The following FAM13C variants were observed in gnomAD, a reference collection of about 807,000 sequenced individuals.
The protein encoded by FAM13C is family with sequence similarity 13 member C, also known as protein FAM13C.
In FAM13C, 37 loss-of-function variants were observed where a neutral mutation model predicts 73.2. The observed-to-expected ratio is 0.51, with a 90% CI of 0.39 to 0.67. The LOEUF (loss-of-function observed/expected upper bound fraction) is 0.67, where lower values mean the gene tolerates loss of function less well. Ranked by LOEUF, FAM13C falls within the 30% of genes least tolerant of loss-of-function variation. The pLI is 0.00. For missense variants in FAM13C, 589 were observed against 715.6 expected (o/e 0.82, Z 2.02); for synonymous variants, 246 against 260.9 (o/e 0.94, Z 0.55).
At position 59,262,538 on chromosome 10, in the gene FAM13C, C is replaced by A; in HGVS notation, c.1132G>T (p.Ala378Ser). The A allele has an allele frequency of 2.5e-6, 4 of 1,613,826 alleles. No homozygotes were observed. The highest frequency in any genetic ancestry group is 3.4e-6 in the Non-Finnish European group (4 of 1,179,794). Reference protein sequence around the residue: ...TVPRENGKPEAAGPEPSSSGE... With the variant: ...TVPRENGKPESAGPEPSSSGE... ...GAGGAGCTTGGCTCCGGGCCCGCAGCTTCCGGTTTCCCATTTTCTCTGGGG... is the reference window on the plus strand; with the variant it reads ...GAGGAGCTTGGCTCCGGGCCCGCAGATTCCGGTTTCCCATTTTCTCTGGGG... Residue 378 changes from alanine (A) to serine (S), a missense_variant, in exon 10 of 14, where the codon GCT (alanine) becomes TCT (serine). Ala to Ser is a moderately conservative substitution (Grantham distance 99, BLOSUM62 1). Coordinates refer to ENST00000618804, the MANE Select transcript of FAM13C (RefSeq NM_198215.4).
intron 6 of FAM13C, among the ~76,000 whole-genome samples, chr10:59,277,499 A>G (rs1844448733): frequency 1.3e-5 from 2 of 152,190 alleles, no homozygotes; most frequent in Non-Finnish European, 2.9e-5. Context: ...ATATTTACAA[A>G]TAAAATTGTA....
chr10:59,309,864 A>G (rs868867923), intron 4 of FAM13C, among the ~76,000 whole-genome samples: 27 of 152,136 alleles, frequency 1.8e-4, no homozygotes, highest in South Asian at 4.1e-4. Flanking sequence ...TAAATAACGT[A>G]TTCATCCTAG....
chr10:59,360,569 A>T (rs2132234666), intron 1 of FAM13C, among the ~76,000 whole-genome samples: 1 of 152,284 alleles, frequency 6.6e-6, no homozygotes, highest in East Asian at 1.9e-4. Flanking sequence ...TATGGGTCAT[A>T]TTACTGAGGT....
chr10:59,325,674 CT>C (rs756902288), intron 3 of FAM13C, among the ~76,000 whole-genome samples: 14 of 152,114 alleles, frequency 9.2e-5, no homozygotes, highest in Non-Finnish European at 1.6e-4. Flanking sequence ...GTTTCCTTTT[CT>C]GTAAAATGAG....
At position 59,247,582 on chromosome 10, in the gene FAM13C, T is replaced by TG; in HGVS notation, c.*31dup. On this transcript the variant is annotated 3_prime_UTR_variant, in exon 14 of 14. Transcript: ENST00000618804. ...GGAAAATAAACTTTACTTTATATCA[T>TG]GGGTGAAAGTGATCATAACATTTCC... The TG allele has an allele frequency of 6.2e-7, 1 of 1,611,850 alleles. No homozygotes were observed. Among genetic ancestry groups the TG allele is most frequent in the Non-Finnish European group, 8.5e-7 (1 of 1,179,154 alleles).
intron 3 of FAM13C, among the ~76,000 whole-genome samples, chr10:59,347,666 A>C (rs933234095): frequency 2.0e-5 from 3 of 151,934 alleles, no homozygotes; most frequent in Non-Finnish European, 4.4e-5. Context: ...TCCTAATGTT[A>C]TCCCTCCCCT....
chr10:59,310,507 G>A (rs931589504), intron 4 of FAM13C, among the ~76,000 whole-genome samples: 2 of 151,686 alleles, frequency 1.3e-5, no homozygotes, highest in African/African-American at 4.8e-5. Flanking sequence ...TCTCTTATTG[G>A]TTCTTACCAA....
chr10:59,256,584 C>A (rs1841966110), intron 10 of FAM13C, among the ~76,000 whole-genome samples: 1 of 152,268 alleles, frequency 6.6e-6, no homozygotes, highest in East Asian at 1.9e-4. Context: ...GGGTTCCATA[C>A]CCTCATGCAT....
intron 4 of FAM13C, among the ~76,000 whole-genome samples, chr10:59,319,840 T>C (rs1265915748): frequency 1.3e-5 from 2 of 152,190 alleles, no homozygotes; most frequent in African/African-American, 4.8e-5. Flanking sequence ...TTGAGGAGTA[T>C]GCAGAGTAGT....
chr10:59,249,353 G>A (rs1048048701), intron 13 of FAM13C, among the ~76,000 whole-genome samples: 5 of 137,070 alleles, frequency 3.6e-5, no homozygotes, highest in Middle Eastern at 9.1e-3. Flanking sequence ...GCAGTGAGCC[G>A]AGATCGCGTC....
chr10:59,320,948 C>T lies in FAM13C; in HGVS notation c.443+3040G>A, dbSNP rs572040332. ...TTCTCTGGAGTCATGTGTTTTCGAA[C>T]TTGGAGGTAGAAAGACATTAGGACA... On this transcript the variant is annotated intron_variant, in intron 4 of 13. Transcript: ENST00000618804. 4.6e-5 allele frequency among the ~76,000 whole-genome samples: 7 copies of T among 152,276 alleles called. No homozygotes were observed. In the South Asian group the frequency reaches 1.5e-3, roughly 32 times the overall value.
In FAM13C at chr10:59,352,458, C is replaced by T; in HGVS notation, c.136G>A (p.Glu46Lys). The T allele has an allele frequency of 6.2e-7, 1 of 1,609,036 alleles. No individual in the cohort carries two copies. The highest frequency in any genetic ancestry group is 8.5e-7 in the Non-Finnish European group (1 of 1,178,158). ...AGAGCCCCTGCGTCGGGGTAGTTCT[C>T]TTTATTGTTTTCATCTCTAAAACAG... ...CSSLRDENNKENYPDAGALVE... is the reference protein window; with the variant it reads ...CSSLRDENNKKNYPDAGALVE... Residue 46 changes from glutamate to lysine, a missense_variant, in exon 3 of 14, where the codon GAG becomes AAG. Physicochemically the swap from Glu to Lys is moderately conservative, Grantham distance 56 (BLOSUM62 1). Coordinates refer to ENST00000618804, the MANE Select transcript of FAM13C (RefSeq NM_198215.4).
chr10:59,283,542 A>G (rs760514962), intron 5 of FAM13C, 95 bp from the exon 6 acceptor site: 9 of 1,189,888 alleles, frequency 7.6e-6, no homozygotes, highest in Non-Finnish European at 1.1e-5. Context: ...GAGGCCAGCT[A>G]AGTAGATGCC....
chr10:59,328,793 A>ATT (rs1851525998), intron 3 of FAM13C, among the ~76,000 whole-genome samples: 1 of 152,226 alleles, frequency 6.6e-6, no homozygotes, highest in East Asian at 1.9e-4. Context: ...AATGCCTTGC[A>ATT]TTTATGAGAG....
rs539092134 is a variant in FAM13C at position 59,270,108 on chromosome 10, G to C, written c.594C>G (p.Asp198Glu). 1 of 1,612,348 alleles carries C rather than the reference G, an allele frequency of 6.2e-7. No individual in the cohort carries two copies. Among genetic ancestry groups the C allele is most frequent in the South Asian group, 1.1e-5 (1 of 90,996 alleles). The change falls in exon 7 of 14, where the codon GAC becomes GAG. Residue 198 changes from aspartate (D) to glutamate (E), a missense_variant and splice_region_variant. Asp to Glu is a conservative substitution (Grantham distance 45). Transcript: ENST00000618804. ...SVLADGTDSA[D>E]PSPVHKDGQN... ...GCCCATCTTTGTGGACTGGTGAGGG[G>C]TCTGGGCAAATGAGACAAATCATCA...
intron 3 of FAM13C, among the ~76,000 whole-genome samples, chr10:59,337,006 A>C (rs1364733703): frequency 1.3e-5 from 2 of 152,162 alleles, no homozygotes; most frequent in East Asian, 1.9e-4. Flanking sequence ...GTGTTCCCTC[A>C]GCTTAGAAAA....
intron 6 of FAM13C, among the ~76,000 whole-genome samples, chr10:59,276,891 G>A (rs1844375720): frequency 6.6e-6 from 1 of 152,168 alleles, no homozygotes; most frequent in Non-Finnish European, 1.5e-5. Flanking sequence ...GCAGCTAAGG[G>A]AAGAGATTAA....
chr10:59,268,631 C>T lies in FAM13C; in HGVS notation c.864G>A (p.Gln288=). The part of the protein sequence containing the change: ...GDGKEPQTIT[Q]LTKHIQSLKR... ...TGAGGCTCTGGATGTGCTTGGTGAG[C>T]TGGGTGATGGTCTGTGGCTCCTTGC... Residue 288 remains glutamine, a synonymous_variant, in exon 8 of 14, where the codon CAG becomes CAA. Transcript: ENST00000618804. 1.2e-6 allele frequency: 2 copies of T among 1,613,584 alleles called. No homozygotes were observed. The highest frequency in any genetic ancestry group is 1.7e-6 in the Non-Finnish European group (2 of 1,179,826).
At chr10:59,252,722 GGC>G in intron 12 of FAM13C, 75 bp downstream of exon 12, 1 of 1,450,104 alleles carries the variant, frequency 6.9e-7, no homozygotes, top group Non-Finnish European at 9.6e-7. Context: ...CATTTTCAAA[GGC>G]CAGCTCTACT....
Sources: gnomAD v4.1 joint callset for allele counts (sites outside exome capture counted in the v4.1 genomes callset) on GRCh38, gnomAD v4.1.1 for gene constraint, MANE v1.5 for transcripts, NCBI Gene and HGNC (gene_info 2026-07-23, HGNC 2026-07-21) for gene names.